NHSL1: variants seen among roughly 807,000 people sequenced by gnomAD.
NHSL1 encodes NHS-like protein 1.
Under a neutral mutation model 95.0 loss-of-function variants are expected in NHSL1, and 48 were observed. The observed-to-expected ratio is 0.51, with a 90% CI of 0.40 to 0.64. The LOEUF (loss-of-function observed/expected upper bound fraction) is 0.64. Ranked by LOEUF, NHSL1 falls within the 30% of genes least tolerant of loss-of-function variation. The pLI is 0.00. For missense variants in NHSL1, 1,971 were observed against 2,077.7 expected (o/e 0.95, Z 1.00); for synonymous variants, 783 against 833.9 (o/e 0.94, Z 1.05).
chr6:138,441,919 A>C (rs1484486435), intron 5 of NHSL1, 64 bp downstream of exon 5: 4 of 1,390,664 alleles, frequency 2.9e-6, no homozygotes, highest in Non-Finnish European at 2.9e-6. Flanking sequence ...ACCATGAATG[A>C]GGTTAGCGCA....
chr6:138,671,727 G>T (rs1257873807), intron 1 of NHSL1, among the ~76,000 whole-genome samples: 1 of 152,066 alleles, frequency 6.6e-6, no homozygotes, highest in East Asian at 1.9e-4. Context: ...GTTGAAAGTT[G>T]AAACAACAAT....
intron 1 of NHSL1, chr6:138,571,497 T>C: frequency 1.8e-6 from 1 of 553,710 alleles, no homozygotes; most frequent in Non-Finnish European, 3.2e-6. Context: ...CTACTTTATC[T>C]TTCTTTGAAT....
chr6:138,576,120 T>C (rs1783968065), upstream of NHSL1, among the ~76,000 whole-genome samples: 1 of 152,084 alleles, frequency 6.6e-6, no homozygotes, highest in South Asian at 2.1e-4. Context: ...GCCTCCCAAG[T>C]AGCTGGAACT....
upstream of NHSL1, chr6:138,499,516 A>C (rs1484927446): frequency 4.0e-6 from 4 of 1,001,070 alleles, no homozygotes; most frequent in Admixed American, 6.9e-5. Flanking sequence ...ACTGAAACCT[A>C]ATCTTTAAGG....
chr6:138,550,250 T>A (rs1274501400), upstream of NHSL1, among the ~76,000 whole-genome samples: 4 of 151,574 alleles, frequency 2.6e-5, no homozygotes, highest in Non-Finnish European at 5.9e-5. Flanking sequence ...AAAAAAAAAA[T>A]AATAAAATAA....
chr6:138,545,562 C>T (rs1428810351), intron 1 of NHSL1: 1 of 1,182,506 alleles, frequency 8.5e-7, no homozygotes, highest in Non-Finnish European at 1.1e-6. Context: ...GACTCTGATG[C>T]TAAATGACAA....
intron 1 of NHSL1, among the ~76,000 whole-genome samples, chr6:138,673,666 A>G (rs1785410814): frequency 1.3e-5 from 2 of 152,250 alleles, no homozygotes; most frequent in Non-Finnish European, 2.9e-5. Flanking sequence ...AATTCCTTCC[A>G]AGAAACTCCT....
intron 1 of NHSL1, among the ~76,000 whole-genome samples, chr6:138,535,264 G>T (rs75459411): frequency 0.01 from 1,579 of 151,942 alleles, 9 homozygotes; most frequent in Non-Finnish European, 0.015. Flanking sequence ...GTAGGAATAA[G>T]AAAAAAAAGT....
intron 1 of NHSL1, among the ~76,000 whole-genome samples, chr6:138,632,043 GA>G (rs1490786670): frequency 3.3e-5 from 5 of 152,276 alleles, no homozygotes; most frequent in African/African-American, 1.2e-4. Context: ...GCTCACTGAA[GA>G]GCCTTTGGGC....
At chr6:138,636,719 T>C (rs1784893160) in intron 1 of NHSL1, among the ~76,000 whole-genome samples, 1 of 152,152 alleles carries the variant, frequency 6.6e-6, no homozygotes, top group African/African-American at 2.4e-5. Flanking sequence ...TGAAGATCTC[T>C]ATAATGAAAA....
In NHSL1 at chr6:138,424,123, C is replaced by G; in HGVS notation, c.4779G>C (p.Glu1593Asp). Residue 1593 changes from glutamate (E) to aspartate (D), a missense_variant, in exon 8 of 8, where the codon GAG (glutamate) becomes GAC (aspartate). By Grantham distance (45) the Glu-to-Asp change is conservative. Coordinates refer to ENST00000343505, the MANE Select transcript of NHSL1 (RefSeq NM_001144060.2). This position sits in a 1 kb window ranked among gnomAD's most constrained non-coding sequence, Gnocchi z 5.9. ...GAGAACCGCCACACTGTGGGGAGGG[C>G]TCTCTGCCCTCTGCACTGGCTGTCC... is the stretch of plus-strand genomic sequence containing the variant. ...VDGTASAEGR[E>D]PSPQCGGSLS... is the part of the protein sequence containing the mutation. 7.0e-7 allele frequency: 1 copy of G among 1,420,724 alleles called. No individual in the cohort carries two copies. The highest frequency in any genetic ancestry group is 9.2e-7 in the Non-Finnish European group (1 of 1,089,062). The allele number at this position is 1,420,724 out of a possible 1,614,324, so 88.0% of individuals were successfully genotyped here.
intron 1 of NHSL1, among the ~76,000 whole-genome samples, chr6:138,615,395 G>T (rs76192745): frequency 2.0e-3 from 301 of 152,314 alleles, no homozygotes; most frequent in African/African-American, 6.8e-3. Flanking sequence ...AGACATTCAG[G>T]TTATCTATGA....
intron 1 of NHSL1, among the ~76,000 whole-genome samples, chr6:138,619,934 C>T (rs979029126): frequency 8.8e-6 from 1 of 114,126 alleles, no homozygotes; most frequent in African/African-American, 3.8e-5. Context: ...GGCAACAGAG[C>T]GAAACTCTAT....
chr6:138,442,141 AGCAAT>A (rs1776572115), intron 4 of NHSL1, 27 bp from the exon 5 acceptor site: 1 of 1,516,342 alleles, frequency 6.6e-7, no homozygotes. Flanking sequence ...GAACAAGCAA[AGCAAT>A]GTTATTTTCA....
intron 2 of NHSL1, among the ~76,000 whole-genome samples, chr6:138,494,098 G>T (rs947397371): frequency 4.6e-5 from 7 of 152,288 alleles, no homozygotes; most frequent in Non-Finnish European, 1.0e-4. Flanking sequence ...TGAAATGTCT[G>T]CACAGTTCTG....
At chr6:138,580,024 G>T (rs1016527761) in intron 1 of NHSL1, among the ~76,000 whole-genome samples, 4 of 152,152 alleles carry the variant, frequency 2.6e-5, no homozygotes, top group African/African-American at 4.8e-5. Context: ...TCTATTAACA[G>T]AATTGAATAT....
rs149644614 is a variant in NHSL1 at position 138,617,455 on chromosome 6, C to A, written c.96+75021G>T. Reference sequence around the variant, plus strand: ...TTCTTTGTCTCACACTGTCTCTCCCCTTTCACCCCCACTAATTCAAAGGCA... The same window carrying A: ...TTCTTTGTCTCACACTGTCTCTCCCATTTCACCCCCACTAATTCAAAGGCA... On this transcript the variant is annotated intron_variant, in intron 1 of 3. Coordinates refer to the NHSL1 transcript ENST00000491526. Among the ~76,000 whole-genome samples, 277 of 152,302 alleles carry A rather than the reference C, an allele frequency of 1.8e-3. 3 individuals carry two copies. The highest frequency in any genetic ancestry group is 0.014 in the East Asian group (72 of 5,192).
At chr6:138,447,516 GT>G (rs1259913621) in intron 3 of NHSL1, among the ~76,000 whole-genome samples, 9 of 152,192 alleles carry the variant, frequency 5.9e-5, no homozygotes, top group African/African-American at 2.2e-4. Context: ...GCTCATGCCT[GT>G]AATCCCAGCA....
chr6:138,503,679 T>A (rs987656016), upstream of NHSL1, among the ~76,000 whole-genome samples: 1 of 152,200 alleles, frequency 6.6e-6, no homozygotes, highest in Admixed American at 6.5e-5. Flanking sequence ...AAAAGACGGC[T>A]GGCTCATGGC....
Sources: gnomAD v4.1 joint callset for allele counts (sites outside exome capture counted in the v4.1 genomes callset) on GRCh38, gnomAD v4.1.1 for gene constraint, Gnocchi (gnomAD v3.1) non-coding constraint, MANE v1.5 for transcripts, NCBI Gene and HGNC (gene_info 2026-07-23, HGNC 2026-07-21) for gene names.